Variants in TMEM108 observed in about 807,000 individuals in gnomAD.
TMEM108 encodes cancer/testis antigen 124.
TMEM108 carries 12 observed loss-of-function variants against 35.1 expected under a neutral mutation model. The observed-to-expected ratio is 0.34, with a 90% confidence interval of 0.22 to 0.55. TMEM108 has a LOEUF of 0.55. TMEM108 is among the 20% of genes least tolerant of loss of function. The pLI, the probability that TMEM108 is intolerant of heterozygous loss-of-function variation, is 0.89. For missense variants in TMEM108, 680 were observed against 753.3 expected (o/e 0.90, Z 1.14); for synonymous variants, 287 against 308.6 (o/e 0.93, Z 0.73).
chr3:133,060,165 G>C (rs560108880), intron 2 of TMEM108, among the ~76,000 whole-genome samples: 2 of 152,316 alleles, frequency 1.3e-5, no homozygotes, highest in East Asian at 3.9e-4. Flanking sequence ...ATCAGGTGGA[G>C]AGGATAGACA....
chr3:133,308,107 A>T (rs1173387763), intron 3 of TMEM108, among the ~76,000 whole-genome samples: 1 of 151,962 alleles, frequency 6.6e-6, no homozygotes, highest in Non-Finnish European at 1.5e-5. Flanking sequence ...TAGGTATTTT[A>T]TTCTGTTTGT....
chr3:133,143,235 G>C (rs1311000777), intron 2 of TMEM108, among the ~76,000 whole-genome samples: 1 of 152,052 alleles, frequency 6.6e-6, no homozygotes, highest in Non-Finnish European at 1.5e-5. Flanking sequence ...CTCTGGGTTT[G>C]GAATTAATAT....
At chr3:133,362,207 G>A (rs999754358) in intron 3 of TMEM108, among the ~76,000 whole-genome samples, 2 of 152,128 alleles carry the variant, frequency 1.3e-5, no homozygotes, top group South Asian at 4.1e-4. Flanking sequence ...AACATAATTC[G>A]CTGTGCATGA....
chr3:133,388,448 T>G, intron 4 of TMEM108: 1 of 985,396 alleles, frequency 1.0e-6, no homozygotes, highest in Non-Finnish European at 1.2e-6. Flanking sequence ...CTTGCCCCTT[T>G]CCTCTTCAAC....
intron 2 of TMEM108, among the ~76,000 whole-genome samples, chr3:133,194,612 A>G (rs1030263119): frequency 3.9e-4 from 59 of 151,584 alleles, no homozygotes; most frequent in African/African-American, 1.3e-3. Context: ...GAACAAATTC[A>G]CTTTATCTAA....
At chr3:133,183,428 A>G (rs1945376519) in intron 2 of TMEM108, among the ~76,000 whole-genome samples, 1 of 152,132 alleles carries the variant, frequency 6.6e-6, no homozygotes, top group South Asian at 2.1e-4. Flanking sequence ...CTCCTTAGAT[A>G]TAGAGAAGAT....
intron 3 of TMEM108, among the ~76,000 whole-genome samples, chr3:133,347,452 T>G (rs1425310899): frequency 1.3e-5 from 2 of 152,096 alleles, no homozygotes; most frequent in East Asian, 3.8e-4. Flanking sequence ...TTCCAATTGT[T>G]CATTGATGGT....
chr3:133,346,565 A>T lies in TMEM108; in HGVS notation c.41-33187A>T, dbSNP rs929577520. ...TGTATATTTTGGATTCAAGTCCTTT[A>T]TTGAATGTATGCAATTATTTTCTTC... On this transcript the variant is annotated intron_variant, in intron 3 of 5. Coordinates refer to ENST00000321871, the MANE Select transcript of TMEM108 (RefSeq NM_023943.4). This position sits in a 1 kb window ranked among gnomAD's most constrained non-coding sequence, Gnocchi z 4.0. Among the ~76,000 whole-genome samples the T allele has an allele frequency of 4.6e-5, 7 of 151,986 alleles. No homozygotes were observed. The highest frequency in any genetic ancestry group is 2.9e-5 in the Non-Finnish European group (2 of 67,924).
intron 5 of TMEM108, among the ~76,000 whole-genome samples, chr3:133,390,546 T>G (rs2073218751): frequency 8.6e-6 from 1 of 115,818 alleles, no homozygotes; most frequent in Non-Finnish European, 1.9e-5. Flanking sequence ...TTCTGCACAG[T>G]AAATTTTGGA....
chr3:133,329,540 A>G (rs1417083547), intron 3 of TMEM108, among the ~76,000 whole-genome samples: 1 of 151,900 alleles, frequency 6.6e-6, no homozygotes, highest in East Asian at 1.9e-4. Context: ...AAGAAACCCA[A>G]CCTCCAGCGG....
chr3:133,388,399 T>G, intron 4 of TMEM108: 1 of 985,430 alleles, frequency 1.0e-6, no homozygotes. Context: ...GGAGGCGGCC[T>G]GAATTAGCAA....
chr3:133,109,118 G>C (rs1944195526), intron 2 of TMEM108, among the ~76,000 whole-genome samples: 1 of 152,074 alleles, frequency 6.6e-6, no homozygotes, highest in Admixed American at 6.6e-5. Flanking sequence ...TGATACGGTG[G>C]AAAGAATAGT....
chr3:133,380,667 G>T lies in TMEM108; in HGVS notation c.956G>T (p.Arg319Leu). The change falls in exon 4 of 6, where the codon CGC becomes CTC. Residue 319 changes from arginine (R) to leucine (L), a missense_variant. Physicochemically the swap from Arg to Leu is moderately radical, Grantham distance 102. Transcript: ENST00000321871. The surrounding 1 kb of genome is among the most constrained non-coding windows in gnomAD (Gnocchi z 5.3). ...SPQAAPVPSQ[R>L]PHHGDPQDGP... ...CAAGCTGCCCCAGTGCCTTCTCAGC[G>T]CCCCCACCACGGTGACCCACAGGAT... is the stretch of plus-strand genomic sequence containing the variant. 6.2e-7 allele frequency: 1 copy of T among 1,614,024 alleles called. No individual in the cohort carries two copies. Among genetic ancestry groups the T allele is most frequent in the Non-Finnish European group, 8.5e-7 (1 of 1,180,000 alleles).
At chr3:133,252,481 T>C (rs774329707) in intron 3 of TMEM108, among the ~76,000 whole-genome samples, 9 of 152,174 alleles carry the variant, frequency 5.9e-5, no homozygotes, top group Non-Finnish European at 1.2e-4. Context: ...ACATGCACAC[T>C]GGAATCTAGC....
chr3:133,198,389 A>T (rs1183033796), intron 2 of TMEM108, among the ~76,000 whole-genome samples: 2 of 152,198 alleles, frequency 1.3e-5, no homozygotes, highest in East Asian at 3.8e-4. Flanking sequence ...ATATGGTAAG[A>T]GTGTGAACAA....
chr3:133,370,806 T>C (rs771188521), intron 3 of TMEM108, among the ~76,000 whole-genome samples: 3 of 151,904 alleles, frequency 2.0e-5, no homozygotes, highest in African/African-American at 7.3e-5. Flanking sequence ...GAAATGGCTA[T>C]GTCCTCAATA....
chr3:133,327,839 C>G (rs1157828825), intron 3 of TMEM108, among the ~76,000 whole-genome samples: 1 of 151,978 alleles, frequency 6.6e-6, no homozygotes. Context: ...TTGTGAAAAG[C>G]AGCGGTGAAA....
rs966221362 is a variant in TMEM108, at chr3:133,125,250, C to T, written c.-47+79230C>T. On this transcript the variant is annotated intron_variant, in intron 2 of 5. Coordinates refer to ENST00000321871, the MANE Select transcript of TMEM108 (RefSeq NM_023943.4). ...TCTGTTCATGAATTATAGTTTTTAT[C>T]GAGTTCTGATTTATAGGGGGAAAAG... 4.6e-5 allele frequency: 7 copies of T among 152,208 alleles called. No individual in the cohort carries two copies. In the East Asian group the frequency reaches 7.7e-4, roughly 17 times the overall value. The allele number at this position is 152,208 out of a possible 1,614,324, so 9.4% of individuals were successfully genotyped here.
Position 133,380,566 on chromosome 3 carries a change from G to A in TMEM108, c.855G>A (p.Gln285=), listed in dbSNP as rs776195719. 16 of 1,613,502 alleles carry A rather than the reference G, an allele frequency of 9.9e-6. No individual in the cohort carries two copies. The Middle Eastern group carries it at 5.0e-4, about 50-fold the overall frequency. Residue 285 remains glutamine, a synonymous_variant, in exon 4 of 6, where the codon CAG becomes CAA. Coordinates refer to ENST00000321871, the MANE Select transcript of TMEM108 (RefSeq NM_023943.4). The surrounding 1 kb of genome is among the most constrained non-coding windows in gnomAD (Gnocchi z 5.3). ...KDKPGLRRAA[Q]GGGSTFTSQG... is the part of the protein sequence containing the mutation. ...AGCCAGGCCTTCGCAGAGCAGCCCA[G>A]GGGGGTGGTTCTACCTTCACCAGCC...
Sources: allele counts gnomAD v4.1 joint callset (sites outside exome capture counted in the v4.1 genomes callset), GRCh38; gene constraint gnomAD v4.1.1; non-coding constraint Gnocchi (gnomAD v3.1); transcripts MANE v1.5; gene names NCBI Gene and HGNC (gene_info 2026-07-23, HGNC 2026-07-21).